CDRT4: variants seen among roughly 807,000 people sequenced by gnomAD.
The protein encoded by CDRT4 is CMT1A duplicated region transcript 4.
For missense variants in CDRT4, 167 were observed against 193.1 expected (o/e 0.87, Z 0.80); for synonymous variants, 64 against 69.6 (o/e 0.92, Z 0.40).
chr17:15,443,167 A>G (rs1454727978), intron 2 of CDRT4, among the ~76,000 whole-genome samples: 1 of 152,138 alleles, frequency 6.6e-6, no homozygotes, highest in African/African-American at 2.4e-5. Flanking sequence ...ACGTGAAACA[A>G]TCAACCTTGA....
chr17:15,440,260 T>C lies in CDRT4; in HGVS notation c.-22A>G. 1 of 1,613,064 alleles carries C rather than the reference T, an allele frequency of 6.2e-7. No homozygotes were observed. The highest frequency in any genetic ancestry group is 8.5e-7 in the Non-Finnish European group (1 of 1,179,992). On this transcript the variant is annotated 5_prime_UTR_variant, in exon 3 of 4. Coordinates refer to ENST00000619038, the MANE Select transcript of CDRT4 (RefSeq NM_001204477.2). ...CCATCTTCTTTTTAATATTTACTGA[T>C]TTCTTAACATCACAGGTTCAGATTC...
intron 1 of CDRT4, among the ~76,000 whole-genome samples, chr17:15,466,193 G>A (rs571586308): frequency 7.2e-5 from 11 of 152,120 alleles, no homozygotes; most frequent in Non-Finnish European, 1.2e-4. Context: ...CCAGGGACTC[G>A]GCTGCCCATG....
intron 2 of CDRT4, among the ~76,000 whole-genome samples, chr17:15,445,323 ATCT>A (rs1978975617): frequency 6.6e-6 from 1 of 152,200 alleles, no homozygotes; most frequent in Non-Finnish European, 1.5e-5. Flanking sequence ...GAGTCGCCAC[ATCT>A]TCTAAATCTG....
At chr17:15,438,277 A>C (rs1386252115) in intron 3 of CDRT4, 77 bp from the exon 4 acceptor site, 18 of 1,449,394 alleles carry the variant, frequency 1.2e-5, no homozygotes, top group Non-Finnish European at 1.6e-5. Context: ...ATGGGAAGGC[A>C]TTGGAACCAG....
At chr17:15,452,956 A>C (rs1220689246) in intron 2 of CDRT4, 48 bp downstream of exon 2, 1 of 152,130 alleles carries the variant, frequency 6.6e-6, no homozygotes, top group African/African-American at 2.4e-5. Context: ...CTCTTGGCCC[A>C]CTGGAAGGAT....
At chr17:15,441,377 G>T (rs1359291221) in intron 2 of CDRT4, among the ~76,000 whole-genome samples, 1 of 152,156 alleles carries the variant, frequency 6.6e-6, no homozygotes, top group Non-Finnish European at 1.5e-5. Flanking sequence ...TCTGTTTTGA[G>T]GACCTGAGAA....
At chr17:15,467,105 T>C (rs1172009506) in intron 1 of CDRT4, among the ~76,000 whole-genome samples, 1 of 152,188 alleles carries the variant, frequency 6.6e-6, no homozygotes, top group Non-Finnish European at 1.5e-5. Context: ...GTGTGTGTTT[T>C]GCTTAAGTAG....
intron 1 of CDRT4, among the ~76,000 whole-genome samples, chr17:15,457,563 T>C (rs1182065322): frequency 6.6e-6 from 1 of 152,248 alleles, no homozygotes; most frequent in African/African-American, 2.4e-5. Flanking sequence ...AACCTGTTTC[T>C]GTCCCGTTGG....
chr17:15,449,792 A>G (rs1408875008), intron 2 of CDRT4, among the ~76,000 whole-genome samples: 1 of 152,198 alleles, frequency 6.6e-6, no homozygotes, highest in Non-Finnish European at 1.5e-5. Context: ...CCTCCCAGTC[A>G]TAAGTGAGAA....
intron 1 of CDRT4, among the ~76,000 whole-genome samples, chr17:15,458,411 G>C (rs1979584833): frequency 6.6e-6 from 1 of 152,152 alleles, no homozygotes; most frequent in African/African-American, 2.4e-5. Context: ...AGTCAGAGTG[G>C]AGGGGGGAAC....
At chr17:15,452,324 A>G (rs887034) in intron 2 of CDRT4, among the ~76,000 whole-genome samples, 33,116 of 152,204 alleles carry the variant, frequency 0.22, 6,880 homozygotes, top group African/African-American at 0.5. Flanking sequence ...GATTGAGTGC[A>G]GCATTGCAGT....
At chr17:15,453,723 C>T (rs1013556384) in intron 1 of CDRT4, among the ~76,000 whole-genome samples, 1 of 152,158 alleles carries the variant, frequency 6.6e-6, no homozygotes, top group Non-Finnish European at 1.5e-5. Flanking sequence ...GCGTATTAAA[C>T]AATTGTTTTG....
chr17:15,462,225 G>A (rs899892900), intron 1 of CDRT4, among the ~76,000 whole-genome samples: 6 of 151,964 alleles, frequency 3.9e-5, no homozygotes, highest in East Asian at 1.9e-4. Flanking sequence ...TCAGGAGATC[G>A]AGACCATCCT....
intron 1 of CDRT4, among the ~76,000 whole-genome samples, chr17:15,466,443 A>C: frequency 6.6e-6 from 1 of 152,172 alleles, no homozygotes; most frequent in Non-Finnish European, 1.5e-5. Flanking sequence ...ATCTACACCA[A>C]GGTGCATTCA....
At chr17:15,456,515 G>T (rs1979489092) in intron 1 of CDRT4, among the ~76,000 whole-genome samples, 1 of 151,456 alleles carries the variant, frequency 6.6e-6, no homozygotes, top group Non-Finnish European at 1.5e-5. Context: ...ACACTGTTTG[G>T]ACTCCACCTA....
chr17:15,461,204 AAAGG>A (rs540482859), intron 1 of CDRT4, among the ~76,000 whole-genome samples: 191 of 152,210 alleles, frequency 1.3e-3, no homozygotes, highest in Non-Finnish European at 2.4e-3. Flanking sequence ...GAATTCCATG[AAAGG>A]AAGGAACTGT....
chr17:15,453,034 C>A lies in CDRT4; in HGVS notation c.-78G>T, dbSNP rs1979332275. 1 of 152,182 alleles carries A rather than the reference C, an allele frequency of 6.6e-6. No homozygotes were observed. Among genetic ancestry groups the A allele is most frequent in the African/African-American group, 2.4e-5 (1 of 41,444 alleles). The allele number at this position is 152,182 out of a possible 1,614,324, so 9.4% of individuals were successfully genotyped here. The stretch of plus-strand genomic sequence containing the variant: ...CTGATATCTTGCCTTCCTCTTCTCC[C>A]AGCTGAAAACTCTCTCTTAAAGTTC... On this transcript the variant is annotated 5_prime_UTR_variant, in exon 2 of 4. Coordinates refer to ENST00000619038, the MANE Select transcript of CDRT4 (RefSeq NM_001204477.2).
rs116873791 is a variant in CDRT4 at position 15,441,257 on chromosome 17, C to A, written c.-47-972G>T. Reference sequence around the variant, plus strand: ...GGTCTGGCGATCACACTTTGAGAACCATGGGTCGAAGGCAGTGCTTCTCAA... The same window carrying A: ...GGTCTGGCGATCACACTTTGAGAACAATGGGTCGAAGGCAGTGCTTCTCAA... On this transcript the variant is annotated intron_variant, in intron 2 of 3. Coordinates refer to ENST00000619038, the MANE Select transcript of CDRT4 (RefSeq NM_001204477.2). 5.2e-3 allele frequency among the ~76,000 whole-genome samples: 795 copies of A among 152,268 alleles called. 1 individual carries two copies. Among genetic ancestry groups the A allele is most frequent in the Non-Finnish European group, 7.5e-3 (511 of 68,024 alleles).
In CDRT4 at chr17:15,459,364, T is replaced by C. The variant is rs1405578097; in HGVS notation, c.-129-6279A>G. On this transcript the variant is annotated intron_variant, in intron 1 of 3. Coordinates refer to ENST00000619038, the MANE Select transcript of CDRT4 (RefSeq NM_001204477.2). ...GTTGTCTTCAGGCCCCTCCCCACAC[T>C]GTTCTCTCACTCTTGATAGGTGTCA... Among the ~76,000 whole-genome samples, 3 of 152,004 alleles carry C rather than the reference T, an allele frequency of 2.0e-5. No individual in the cohort carries two copies. In the East Asian group the frequency reaches 5.8e-4, roughly 29 times the overall value.
Sources: allele counts gnomAD v4.1 joint callset (sites outside exome capture counted in the v4.1 genomes callset), GRCh38; gene constraint gnomAD v4.1.1; transcripts MANE v1.5; gene names NCBI Gene and HGNC (gene_info 2026-07-23, HGNC 2026-07-21).